NBEA: variants seen among roughly 807,000 people sequenced by gnomAD.
NBEA encodes lysosomal-trafficking regulator 2.
In NBEA, 44 loss-of-function variants were observed where a neutral mutation model predicts 343.4. That is an observed-to-expected ratio of 0.13 (90% confidence interval 0.10 to 0.16). NBEA has a LOEUF of 0.16. NBEA is among the 10% of genes least tolerant of loss of function. The pLI is 1.00. For missense variants in NBEA, 2,555 were observed against 3,631.3 expected (o/e 0.70, Z 7.62); for synonymous variants, 1,175 against 1,238.7 (o/e 0.95, Z 1.08).
Position 35,129,286 on chromosome 13 carries a change from A to G in NBEA, c.2336+5712A>G, listed in dbSNP as rs543710271. Among the ~76,000 whole-genome samples the G allele has an allele frequency of 2.6e-5, 4 of 152,332 alleles. No individual in the cohort carries two copies. The South Asian group carries it at 8.3e-4, about 32-fold the overall frequency. On this transcript the variant is annotated intron_variant, in intron 17 of 58. Coordinates refer to ENST00000379939, the MANE Select transcript of NBEA (RefSeq NM_001385012.1). Reference sequence around the variant, plus strand: ...AAACACTTTGATCTACTAAAAACTTAGAAATGTTAGATAAAAATATGTCAA... The same window carrying G: ...AAACACTTTGATCTACTAAAAACTTGGAAATGTTAGATAAAAATATGTCAA...
intron 38 of NBEA, among the ~76,000 whole-genome samples, chr13:35,359,918 G>A (rs534669313): frequency 6.6e-6 from 1 of 151,508 alleles, no homozygotes; most frequent in South Asian, 2.1e-4. Flanking sequence ...TAGTTTTCTG[G>A]TAAGATGTTG....
chr13:34,989,932 C>T (rs1190274207), intron 1 of NBEA, among the ~76,000 whole-genome samples: 1 of 151,038 alleles, frequency 6.6e-6, no homozygotes, highest in Non-Finnish European at 1.5e-5. Context: ...TTACAGACCC[C>T]ATGCAAGTCC....
intron 18 of NBEA, among the ~76,000 whole-genome samples, chr13:35,147,521 G>C (rs1022934313): frequency 5.9e-5 from 9 of 152,070 alleles, no homozygotes; most frequent in African/African-American, 1.9e-4. Context: ...TCCCTTGGTA[G>C]GGAAGGTTAT....
chr13:35,010,650 A>G (rs2061453284), intron 1 of NBEA, among the ~76,000 whole-genome samples: 1 of 146,250 alleles, frequency 6.8e-6, no homozygotes, highest in South Asian at 2.2e-4. Flanking sequence ...TGGGGAATCT[A>G]AGGCAGAAGG....
chr13:35,486,637 A>G (rs1465976466), intron 41 of NBEA, among the ~76,000 whole-genome samples: 1 of 152,084 alleles, frequency 6.6e-6, no homozygotes, highest in Non-Finnish European at 1.5e-5. Flanking sequence ...TGCCATCAGC[A>G]TTACAGTTTC....
chr13:35,606,811 T>C (rs1226245461), intron 48 of NBEA, among the ~76,000 whole-genome samples: 2 of 152,214 alleles, frequency 1.3e-5, no homozygotes, highest in South Asian at 2.1e-4. Flanking sequence ...AATTCAGTTA[T>C]GTTTGCTCCT....
chr13:35,393,329 A>C (rs1252558182), intron 38 of NBEA, among the ~76,000 whole-genome samples: 2 of 152,158 alleles, frequency 1.3e-5, no homozygotes, highest in African/African-American at 4.8e-5. Flanking sequence ...TTTTGCTTTC[A>C]TCCCAGCTGA....
intron 41 of NBEA, among the ~76,000 whole-genome samples, chr13:35,539,774 G>A (rs2153004291): frequency 6.6e-6 from 1 of 151,370 alleles, no homozygotes; most frequent in Non-Finnish European, 1.5e-5. Flanking sequence ...AAATTAGCCG[G>A]GCGTGGTGGC....
intron 31 of NBEA, among the ~76,000 whole-genome samples, chr13:35,207,542 A>G (rs1173900386): frequency 3.9e-5 from 6 of 152,170 alleles, no homozygotes; most frequent in Non-Finnish European, 5.9e-5. Context: ...CTTTACTGCA[A>G]GAAAATTTAG....
chr13:35,512,260 T>G (rs2077304380), intron 41 of NBEA, among the ~76,000 whole-genome samples: 1 of 152,198 alleles, frequency 6.6e-6, no homozygotes, highest in Non-Finnish European at 1.5e-5. Flanking sequence ...TTTTGAGGAT[T>G]ACCTGATGGT....
chr13:35,219,033 A>AT (rs1041570091), intron 33 of NBEA, among the ~76,000 whole-genome samples: 1 of 151,836 alleles, frequency 6.6e-6, no homozygotes, highest in African/African-American at 2.4e-5. Flanking sequence ...AAAATTTTCT[A>AT]TTTTTTTCTG....
chr13:35,112,005 C>T (rs2066238492), intron 13 of NBEA, among the ~76,000 whole-genome samples: 1 of 149,826 alleles, frequency 6.7e-6, no homozygotes, highest in Admixed American at 6.7e-5. Context: ...CAAGCTCTGC[C>T]TCCCGGGTTC....
At position 35,428,666 on chromosome 13, in the gene NBEA, A is replaced by G. The variant is rs1042502224; in HGVS notation, c.6180-3603A>G. ...CATTTTCATAATTGCTTATTGAAGT[A>G]TATTTTCAATCATGGCTCTTTTAAA... On this transcript the variant is annotated intron_variant, in intron 38 of 58. Coordinates refer to ENST00000379939, the MANE Select transcript of NBEA (RefSeq NM_001385012.1). Among the ~76,000 whole-genome samples the G allele has an allele frequency of 2.0e-5, 3 of 152,154 alleles. No homozygotes were observed. In the East Asian group the frequency reaches 5.8e-4, roughly 29 times the overall value.
At chr13:35,442,991 C>T (rs903851387) in intron 39 of NBEA, among the ~76,000 whole-genome samples, 17 of 151,978 alleles carry the variant, frequency 1.1e-4, no homozygotes, top group African/African-American at 3.9e-4. Context: ...CCTTGATGTC[C>T]TTTTCCAGTG....
chr13:35,447,570 A>G (rs772082303), intron 39 of NBEA, among the ~76,000 whole-genome samples: 19 of 152,140 alleles, frequency 1.2e-4, no homozygotes, highest in East Asian at 1.9e-4. Context: ...AGAAAATAAC[A>G]TAAGTGCGGT....
chr13:35,208,601 G>T, intron 31 of NBEA, 99 bp from the exon 32 acceptor site: 1 of 1,078,988 alleles, frequency 9.3e-7, no homozygotes, highest in East Asian at 2.8e-5. Flanking sequence ...AAAGAAGAGA[G>T]GGAGAAATTC....
chr13:34,960,101 C>A (rs1279737765), intron 1 of NBEA, among the ~76,000 whole-genome samples: 1 of 151,908 alleles, frequency 6.6e-6, no homozygotes, highest in African/African-American at 2.4e-5. Flanking sequence ...GTGTTGTTGC[C>A]CCTGAAGACT....
intron 34 of NBEA, among the ~76,000 whole-genome samples, chr13:35,248,908 G>T (rs1317597817): frequency 6.6e-6 from 1 of 152,132 alleles, no homozygotes; most frequent in East Asian, 1.9e-4. Flanking sequence ...CCAGCACTTT[G>T]GGAGGCCGAG....
intron 36 of NBEA, among the ~76,000 whole-genome samples, chr13:35,330,408 T>C (rs2038854868): frequency 6.6e-6 from 1 of 152,022 alleles, no homozygotes; most frequent in Admixed American, 6.6e-5. Flanking sequence ...TGAGGACCTT[T>C]CACATCCCAC....
Sources: gnomAD v4.1 joint callset for allele counts (sites outside exome capture counted in the v4.1 genomes callset) on GRCh38, gnomAD v4.1.1 for gene constraint, MANE v1.5 for transcripts, NCBI Gene and HGNC (gene_info 2026-07-23, HGNC 2026-07-21) for gene names.